The following CCSER1 variants were observed in gnomAD, a reference collection of about 807,000 sequenced individuals.
CCSER1 encodes coiled-coil serine rich protein 1.
CCSER1 carries 41 observed loss-of-function variants against 82.0 expected under a neutral mutation model. The observed-to-expected ratio is 0.50, with a 90% CI of 0.39 to 0.65. The LOEUF is 0.65. Among genes scored for constraint, CCSER1 ranks in the 30% least tolerant of loss-of-function variants. The probability of loss-of-function intolerance (pLI) is 0.00; values close to 1 mark genes in which losing one functional copy is unlikely to be tolerated. For missense variants in CCSER1, 1,119 were observed against 1,064.2 expected (o/e 1.05, Z -0.72); for synonymous variants, 414 against 383.9 (o/e 1.08, Z -0.92).
In CCSER1 at chr4:90,308,360, C is replaced by A. The variant is rs371755465; in HGVS notation, c.76C>A (p.His26Asn). The A allele has an allele frequency of 1.9e-6, 3 of 1,613,138 alleles. No homozygotes were observed. In the African/African-American group the frequency reaches 4.0e-5, roughly 22 times the overall value. Residue 26 changes from histidine (H) to asparagine (N), a missense_variant, in exon 2 of 11, where the codon CAT becomes AAT. Coordinates refer to ENST00000509176, the MANE Select transcript of CCSER1 (RefSeq NM_001145065.2). ...PIFRRSINRR[H>N]DSLPSSPSSS... Reference sequence around the variant, plus strand: ...ATTCAGAAGAAGTATTAACAGAAGACATGATTCTCTTCCTTCTTCACCTTC... The same window carrying A: ...ATTCAGAAGAAGTATTAACAGAAGAAATGATTCTCTTCCTTCTTCACCTTC...
chr4:90,969,658 A>G (rs1273764700), intron 9 of CCSER1, among the ~76,000 whole-genome samples: 3 of 152,014 alleles, frequency 2.0e-5, no homozygotes, highest in African/African-American at 7.2e-5. Context: ...AACATTAGAC[A>G]TGCCTTAAAA....
chr4:90,260,646 G>A (rs1357220631), intron 1 of CCSER1, among the ~76,000 whole-genome samples: 1 of 152,102 alleles, frequency 6.6e-6, no homozygotes, highest in African/African-American at 2.4e-5. Context: ...TTATGTGAAT[G>A]CTTATGTGTA....
At chr4:91,490,619 G>A (rs1324181985) in intron 10 of CCSER1, among the ~76,000 whole-genome samples, 9 of 151,454 alleles carry the variant, frequency 5.9e-5, no homozygotes, top group African/African-American at 2.2e-4. Flanking sequence ...GTGGGAGGAA[G>A]TAGATTTAAT....
At chr4:91,171,855 G>C (rs1040747811) in intron 10 of CCSER1, among the ~76,000 whole-genome samples, 2 of 151,972 alleles carry the variant, frequency 1.3e-5, no homozygotes, top group African/African-American at 2.4e-5. Flanking sequence ...ATTTTGAATA[G>C]GACAGGTTTC....
intron 9 of CCSER1, among the ~76,000 whole-genome samples, chr4:90,983,578 A>T (rs1736317303): frequency 6.6e-6 from 1 of 151,744 alleles, no homozygotes; most frequent in Non-Finnish European, 1.5e-5. Context: ...AGCCTTAAAG[A>T]ACCTCATAAA....
At chr4:91,029,964 T>C (rs979774001) in intron 9 of CCSER1, among the ~76,000 whole-genome samples, 1 of 151,970 alleles carries the variant, frequency 6.6e-6, no homozygotes, top group Non-Finnish European at 1.5e-5. Context: ...CATTGCCTTC[T>C]GCAATATTTA....
chr4:91,584,144 A>G (rs1212096383), intron 10 of CCSER1, among the ~76,000 whole-genome samples: 1 of 151,522 alleles, frequency 6.6e-6, no homozygotes, highest in African/African-American at 2.4e-5. Flanking sequence ...ACAAATAACT[A>G]CTAAATGCCA....
intron 1 of CCSER1, among the ~76,000 whole-genome samples, chr4:90,240,873 C>T (rs985820819): frequency 1.3e-5 from 2 of 152,180 alleles, no homozygotes; most frequent in Non-Finnish European, 2.9e-5. Context: ...CCTTCAAAGA[C>T]ACCACCTATA....
At chr4:90,947,387 T>C (rs1316068036) in intron 9 of CCSER1, among the ~76,000 whole-genome samples, 1 of 152,210 alleles carries the variant, frequency 6.6e-6, no homozygotes, top group Non-Finnish European at 1.5e-5. Flanking sequence ...AATTGAATAT[T>C]TCTCCTTAAT....
chr4:90,722,978 G>A (rs1742934902), intron 6 of CCSER1, among the ~76,000 whole-genome samples: 1 of 151,890 alleles, frequency 6.6e-6, no homozygotes, highest in Non-Finnish European at 1.5e-5. Context: ...TATCTCACTT[G>A]AGGTGAATTC....
intron 10 of CCSER1, among the ~76,000 whole-genome samples, chr4:91,457,267 T>C (rs981485362): frequency 6.6e-6 from 1 of 152,178 alleles, no homozygotes; most frequent in Non-Finnish European, 1.5e-5. Flanking sequence ...TGCCTGAAAA[T>C]ACATGTTTTA....
intron 5 of CCSER1, among the ~76,000 whole-genome samples, chr4:90,579,523 A>T (rs186085944): frequency 6.6e-6 from 1 of 152,314 alleles, no homozygotes; most frequent in East Asian, 1.9e-4. Flanking sequence ...GACAATTAAC[A>T]TATTAATCCA....
At chr4:91,368,550 GAT>G (rs1400932238) in intron 10 of CCSER1, among the ~76,000 whole-genome samples, 1 of 151,928 alleles carries the variant, frequency 6.6e-6, no homozygotes, top group East Asian at 1.9e-4. Context: ...ACATATAAGA[GAT>G]ATGTTTTATG....
intron 1 of CCSER1, among the ~76,000 whole-genome samples, chr4:90,135,337 C>T (rs1723474804): frequency 6.6e-6 from 1 of 151,974 alleles, no homozygotes; most frequent in Admixed American, 6.6e-5. Flanking sequence ...AGCAAGACCC[C>T]CCCTTTGAAA....
intron 7 of CCSER1, chr4:90,780,711 CT>C (rs759016221): frequency 1.5e-5 from 20 of 1,302,998 alleles, no homozygotes; most frequent in Non-Finnish European, 1.9e-5. Context: ...GTCAGGAGGC[CT>C]CCTTGCTCCA....
At chr4:91,095,174 C>T (rs554605259) in intron 10 of CCSER1, among the ~76,000 whole-genome samples, 7 of 152,314 alleles carry the variant, frequency 4.6e-5, no homozygotes, top group Admixed American at 1.3e-4. Flanking sequence ...CATTTGAGCC[C>T]GGTCCCCTTC....
intron 8 of CCSER1, among the ~76,000 whole-genome samples, chr4:90,859,509 T>G (rs1764827379): frequency 6.6e-6 from 1 of 151,796 alleles, no homozygotes; most frequent in Non-Finnish European, 1.5e-5. Context: ...GGCATGTATT[T>G]AATTGTTTTC....
intron 8 of CCSER1, among the ~76,000 whole-genome samples, chr4:90,861,920 A>AT (rs1561265168): frequency 7.6e-6 from 1 of 131,782 alleles, no homozygotes; most frequent in African/African-American, 2.6e-5. Flanking sequence ...ATATATATAT[A>AT]TATATATTTT....
At chr4:91,076,141 T>G (rs897264943) in intron 9 of CCSER1, among the ~76,000 whole-genome samples, 2 of 152,274 alleles carry the variant, frequency 1.3e-5, no homozygotes, top group Admixed American at 1.3e-4. Context: ...AAAATCCTCT[T>G]AAGCCATTAT....
Sources: gnomAD v4.1 joint callset for allele counts (sites outside exome capture counted in the v4.1 genomes callset) on GRCh38, gnomAD v4.1.1 for gene constraint, MANE v1.5 for transcripts, NCBI Gene and HGNC (gene_info 2026-07-23, HGNC 2026-07-21) for gene names.